Variants in CSMD1 observed in about 807,000 individuals in gnomAD.
CSMD1 encodes CUB and Sushi multiple domains 1.
CSMD1 carries 213 observed loss-of-function variants against 417.5 expected under a neutral mutation model. The observed-to-expected ratio is 0.51, with a 90% CI of 0.46 to 0.57. The LOEUF (loss-of-function observed/expected upper bound fraction) is 0.57. CSMD1 is among the 20% of genes least tolerant of loss of function. CSMD1 has a pLI of 0.00. For synonymous variants in CSMD1, 2,862 were observed against 1,736.8 expected, an observed-to-expected ratio of 1.65 and a Z score of -16.11; for missense variants, 6,923 against 4,529.7, an observed-to-expected ratio of 1.53 and a Z score of -15.17.
intron 3 of CSMD1, among the ~76,000 whole-genome samples, chr8:4,264,923 C>G (rs1301675524): frequency 1.3e-5 from 2 of 152,140 alleles, no homozygotes; most frequent in African/African-American, 2.4e-5. Flanking sequence ...AGTCCCATTT[C>G]TAAACTTCTA....
intron 7 of CSMD1, among the ~76,000 whole-genome samples, chr8:3,659,744 A>G (rs534382910): frequency 1.3e-5 from 2 of 152,156 alleles, no homozygotes; most frequent in South Asian, 2.1e-4. Context: ...TTCCCCCAAC[A>G]CCCCTATGAA....
Position 4,188,813 on chromosome 8 carries a change from G to C in CSMD1, c.416-156714C>G, listed in dbSNP as rs917205160. On this transcript the variant is annotated intron_variant, in intron 3 of 69. Coordinates refer to ENST00000635120, the MANE Select transcript of CSMD1 (RefSeq NM_033225.6). ...ACTCCAGGATGAATATTATGGGGGA[G>C]GATGGTAATTGGGAGGGATATTAAA... 1.3e-5 allele frequency among the ~76,000 whole-genome samples: 2 copies of C among 150,814 alleles called. 1 individual carries two copies. Among genetic ancestry groups the C allele is most frequent in the Admixed American group, 1.3e-4 (2 of 15,078 alleles).
At chr8:3,122,343 A>G (rs868742511) in intron 41 of CSMD1, among the ~76,000 whole-genome samples, 2 of 152,236 alleles carry the variant, frequency 1.3e-5, no homozygotes, top group African/African-American at 4.8e-5. Context: ...ACATTATACC[A>G]TGGAACTACT....
At chr8:4,869,760 A>G (rs534804202) in intron 1 of CSMD1, among the ~76,000 whole-genome samples, 1 of 152,070 alleles carries the variant, frequency 6.6e-6, no homozygotes, top group Non-Finnish European at 1.5e-5. Flanking sequence ...CAAAACCAAA[A>G]GCAAACACAT....
At chr8:3,985,059 G>A (rs143852462) in intron 5 of CSMD1, among the ~76,000 whole-genome samples, 1 of 151,980 alleles carries the variant, frequency 6.6e-6, no homozygotes, top group Non-Finnish European at 1.5e-5. Flanking sequence ...CATGTTCTTA[G>A]CTTTCAAAAA....
intron 10 of CSMD1, among the ~76,000 whole-genome samples, chr8:3,566,405 T>C (rs1369091167): frequency 2.6e-5 from 4 of 152,108 alleles, no homozygotes; most frequent in Non-Finnish European, 4.4e-5. Context: ...ACCCAGGACA[T>C]ACAGCCATCC....
At chr8:4,012,478 G>T (rs958945020) in intron 4 of CSMD1, among the ~76,000 whole-genome samples, 2 of 151,988 alleles carry the variant, frequency 1.3e-5, no homozygotes, top group Admixed American at 1.3e-4. Flanking sequence ...TTTGTTACTT[G>T]CATAAATCTT....
At chr8:3,292,383 G>C (rs569409184) in intron 25 of CSMD1, among the ~76,000 whole-genome samples, 2 of 152,174 alleles carry the variant, frequency 1.3e-5, no homozygotes, top group Admixed American at 6.5e-5. Context: ...GGGTATCCTT[G>C]TTAACTTTCT....
chr8:4,500,825 A>AG (rs1275100471), intron 2 of CSMD1, among the ~76,000 whole-genome samples: 1 of 152,190 alleles, frequency 6.6e-6, no homozygotes, highest in Admixed American at 6.5e-5. Flanking sequence ...ACATGGGTAG[A>AG]GGTCCATTGC....
chr8:4,100,427 A>C (rs17068984), intron 3 of CSMD1, among the ~76,000 whole-genome samples: 2 of 152,138 alleles, frequency 1.3e-5, no homozygotes, highest in Non-Finnish European at 2.9e-5. Flanking sequence ...AGCCCGTTCA[A>C]AGCAGAATCA....
At chr8:4,658,074 A>G (rs1156938056) in intron 1 of CSMD1, among the ~76,000 whole-genome samples, 1 of 152,050 alleles carries the variant, frequency 6.6e-6, no homozygotes, top group Non-Finnish European at 1.5e-5. Context: ...AAAAGAAGGG[A>G]AAAAAATAAA....
At chr8:4,188,030 G>C (rs1375791387) in intron 3 of CSMD1, among the ~76,000 whole-genome samples, 2 of 151,918 alleles carry the variant, frequency 1.3e-5, no homozygotes, top group African/African-American at 4.8e-5. Context: ...AAAGACCTAA[G>C]ACAGTGCAAA....
chr8:4,347,095 C>A (rs1325457405), intron 3 of CSMD1, among the ~76,000 whole-genome samples: 1 of 152,160 alleles, frequency 6.6e-6, no homozygotes, highest in Admixed American at 6.6e-5. Flanking sequence ...TTTGACCCCT[C>A]AGAAGTTACT....
chr8:3,663,690 C>G (rs1015289676), intron 7 of CSMD1, among the ~76,000 whole-genome samples: 3 of 152,152 alleles, frequency 2.0e-5, no homozygotes, highest in Non-Finnish European at 2.9e-5. Context: ...ACTGGAAACC[C>G]CTTCTCTGCT....
At chr8:4,849,024 A>T (rs1801312308) in intron 1 of CSMD1, among the ~76,000 whole-genome samples, 1 of 151,946 alleles carries the variant, frequency 6.6e-6, no homozygotes, top group Admixed American at 6.5e-5. Context: ...ATCCTAGGAG[A>T]TGACAGCTCT....
intron 3 of CSMD1, among the ~76,000 whole-genome samples, chr8:4,363,843 A>C (rs1423411429): frequency 6.6e-6 from 1 of 152,186 alleles, no homozygotes; most frequent in Non-Finnish European, 1.5e-5. Context: ...GTGGGATCTG[A>C]AAATCAAAAC....
At chr8:4,756,359 A>G (rs1400178603) in intron 1 of CSMD1, among the ~76,000 whole-genome samples, 2 of 152,134 alleles carry the variant, frequency 1.3e-5, no homozygotes, top group South Asian at 2.1e-4. Context: ...TACTGGCCAT[A>G]TTTTTAAAAG....
intron 12 of CSMD1, among the ~76,000 whole-genome samples, chr8:3,418,522 G>A (rs921154293): frequency 1.3e-5 from 2 of 152,092 alleles, no homozygotes; most frequent in African/African-American, 4.8e-5. Context: ...CAAATTCCCT[G>A]ACGGTCCCGC....
intron 3 of CSMD1, among the ~76,000 whole-genome samples, chr8:4,265,370 G>GAATAT (rs1487179286): frequency 8.7e-5 from 4 of 45,740 alleles, no homozygotes; most frequent in Non-Finnish European, 2.2e-4. Flanking sequence ...AGTATCATTT[G>GAATAT]ACATGTTACA....
Sources: allele counts gnomAD v4.1 joint callset (sites outside exome capture counted in the v4.1 genomes callset), GRCh38; gene constraint gnomAD v4.1.1; transcripts MANE v1.5; gene names NCBI Gene and HGNC (gene_info 2026-07-23, HGNC 2026-07-21).